SLC14A2: variants seen among roughly 807,000 people sequenced by gnomAD.
SLC14A2 encodes urea transporter 2.
SLC14A2 carries 91 observed loss-of-function variants against 104.6 expected under a neutral mutation model. That is an observed-to-expected ratio of 0.87 (90% CI 0.73 to 1.04). The LOEUF (loss-of-function observed/expected upper bound fraction) is 1.04. SLC14A2 is among the 50% of genes least tolerant of loss of function. SLC14A2 has a pLI of 0.00. For synonymous variants in SLC14A2, 476 were observed against 466.4 expected (o/e 1.02, Z -0.27); for missense variants, 1,189 against 1,156.0 (o/e 1.03, Z -0.41).
At chr18:45,579,414 G>C (rs1413717499) in intron 2 of SLC14A2, among the ~76,000 whole-genome samples, 1 of 152,180 alleles carries the variant, frequency 6.6e-6, no homozygotes, top group South Asian at 2.1e-4. Context: ...TCATCAATAG[G>C]GTTGGGGATG....
intron 1 of SLC14A2, among the ~76,000 whole-genome samples, chr18:45,459,116 G>A (rs1021023402): frequency 6.6e-6 from 1 of 152,116 alleles, no homozygotes; most frequent in African/African-American, 2.4e-5. Flanking sequence ...AGTAATATTA[G>A]AATCCAAACT....
intron 2 of SLC14A2, among the ~76,000 whole-genome samples, chr18:45,609,419 A>G (rs541529788): frequency 6.6e-6 from 1 of 152,192 alleles, no homozygotes; most frequent in South Asian, 2.1e-4. Flanking sequence ...ACTCCAGGTG[A>G]GGCTTTTTAT....
At chr18:45,471,953 G>A (rs985582755) in intron 1 of SLC14A2, among the ~76,000 whole-genome samples, 1 of 151,782 alleles carries the variant, frequency 6.6e-6, no homozygotes, top group Non-Finnish European at 1.5e-5. Context: ...AGGTATACAC[G>A]TGCCATGGTG....
chr18:45,528,828 G>A (rs1390386936), intron 2 of SLC14A2: 1 of 152,232 alleles, frequency 6.6e-6, no homozygotes, highest in Admixed American at 6.5e-5. Flanking sequence ...AAGAAGCAGA[G>A]GCTAGTTCAC....
In SLC14A2 at chr18:45,666,228, T is replaced by C. The variant is rs1360164809; in HGVS notation, c.1557+9T>C. On this transcript the variant is annotated intron_variant, in intron 12 of 19. Coordinates refer to ENST00000255226, the MANE Select transcript of SLC14A2 (RefSeq NM_007163.4). ...CCACAGTCGAGCTGCTTGTGAGTAC[T>C]GAGTGTCCTGAATCAGGGACAGCGC... The C allele has an allele frequency of 6.3e-6, 10 of 1,585,710 alleles. No individual in the cohort carries two copies. The Admixed American group carries it at 1.7e-4, about 26-fold the overall frequency.
At chr18:45,661,981 C>T (rs1219289283) in intron 10 of SLC14A2, among the ~76,000 whole-genome samples, 1 of 152,146 alleles carries the variant, frequency 6.6e-6, no homozygotes, top group Non-Finnish European at 1.5e-5. Flanking sequence ...AGGGAAGGGA[C>T]ACGATCAGGT....
intron 1 of SLC14A2, among the ~76,000 whole-genome samples, chr18:45,341,315 C>T (rs1474392417): frequency 6.6e-6 from 1 of 152,136 alleles, no homozygotes; most frequent in Non-Finnish European, 1.5e-5. Flanking sequence ...CATTATTTGC[C>T]AGTTCCATAT....
chr18:45,234,160 A>G (rs2084203110), intron 1 of SLC14A2, among the ~76,000 whole-genome samples: 1 of 152,174 alleles, frequency 6.6e-6, no homozygotes, highest in Non-Finnish European at 1.5e-5. Flanking sequence ...CCAGAAGATC[A>G]TTCAAGAAGC....
intron 10 of SLC14A2, among the ~76,000 whole-genome samples, chr18:45,652,246 G>A (rs1421315270): frequency 6.6e-6 from 1 of 152,204 alleles, no homozygotes; most frequent in African/African-American, 2.4e-5. Context: ...CACATTTTAT[G>A]TGAGACTTTT....
At chr18:45,489,080 T>C (rs2087669584) in intron 2 of SLC14A2, among the ~76,000 whole-genome samples, 1 of 152,232 alleles carries the variant, frequency 6.6e-6, no homozygotes, top group South Asian at 2.1e-4. Context: ...GTTTTGATTA[T>C]CCTACATGGT....
intron 1 of SLC14A2, among the ~76,000 whole-genome samples, chr18:45,315,863 C>T (rs2085124355): frequency 6.6e-6 from 1 of 152,232 alleles, no homozygotes; most frequent in Admixed American, 6.5e-5. Context: ...AAAGGTAGCA[C>T]ACAGTGCCTT....
At chr18:45,551,752 T>C (rs2044059315) in intron 2 of SLC14A2, among the ~76,000 whole-genome samples, 1 of 152,194 alleles carries the variant, frequency 6.6e-6, no homozygotes, top group Non-Finnish European at 1.5e-5. Context: ...TCTGCATGTC[T>C]AGTGGCTACA....
At chr18:45,261,019 C>CT (rs79986548) in intron 1 of SLC14A2, among the ~76,000 whole-genome samples, 27 of 147,380 alleles carry the variant, frequency 1.8e-4, no homozygotes, top group African/African-American at 4.7e-4. Context: ...CTCTTAATTT[C>CT]TTTTTTTTTT....
At chr18:45,545,280 A>T in intron 2 of SLC14A2, among the ~76,000 whole-genome samples, 1 of 152,246 alleles carries the variant, frequency 6.6e-6, no homozygotes, top group East Asian at 1.9e-4. Flanking sequence ...GTAACAGCAC[A>T]TCCCCATCGG....
At chr18:45,474,172 G>A (rs1282148031) in intron 1 of SLC14A2, among the ~76,000 whole-genome samples, 1 of 152,148 alleles carries the variant, frequency 6.6e-6, no homozygotes, top group African/African-American at 2.4e-5. Context: ...TTATGTGATG[G>A]ATTACGTTTA....
chr18:45,417,064 C>T (rs954269038), intron 1 of SLC14A2, among the ~76,000 whole-genome samples: 1 of 152,168 alleles, frequency 6.6e-6, no homozygotes, highest in Admixed American at 6.5e-5. Flanking sequence ...ATACAGCTGG[C>T]TCTCTATCAT....
intron 2 of SLC14A2, among the ~76,000 whole-genome samples, chr18:45,484,468 A>C (rs117824036): frequency 2.0e-5 from 3 of 152,348 alleles, no homozygotes; most frequent in Non-Finnish European, 4.4e-5. Context: ...ACTGGCATTC[A>C]TATATATCTC....
intron 2 of SLC14A2, among the ~76,000 whole-genome samples, chr18:45,592,061 C>T (rs1162313640): frequency 6.6e-6 from 1 of 152,148 alleles, no homozygotes; most frequent in African/African-American, 2.4e-5. Flanking sequence ...AATATATATA[C>T]AGTAATCACT....
At chr18:45,246,749 G>A (rs749994741) in intron 1 of SLC14A2, among the ~76,000 whole-genome samples, 4 of 151,994 alleles carry the variant, frequency 2.6e-5, no homozygotes, top group Non-Finnish European at 2.9e-5. Context: ...GGTGGCTCAC[G>A]CCTATAATCC....
Sources: allele counts gnomAD v4.1 joint callset (sites outside exome capture counted in the v4.1 genomes callset), GRCh38; gene constraint gnomAD v4.1.1; transcripts MANE v1.5; gene names NCBI Gene and HGNC (gene_info 2026-07-23, HGNC 2026-07-21).